The following POLH variants were observed in gnomAD, a reference collection of about 807,000 sequenced individuals.
POLH encodes DNA polymerase eta, also known as DNA polymerase eta transcript.
A neutral mutation model predicts 73.6 loss-of-function variants in POLH; 53 were observed. The observed-to-expected ratio is 0.72, with a 90% CI of 0.58 to 0.91. The LOEUF (loss-of-function observed/expected upper bound fraction) is 0.91, where lower values mean the gene tolerates loss of function less well. POLH is among the 40% of genes least tolerant of loss of function. The pLI is 0.00. For missense variants in POLH, 768 were observed against 865.4 expected (o/e 0.89, Z 1.41); for synonymous variants, 292 against 308.5 (o/e 0.95, Z 0.56).
rs60046548 is a variant in POLH, at chr6:43,619,364, C to CAAAAAAAA, written c.*4830_*4837dup. 5.4e-5 allele frequency among the ~76,000 whole-genome samples: 2 copies of CAAAAAAAA among 37,084 alleles called. No homozygotes were observed. The highest frequency in any genetic ancestry group is 7.5e-5 in the Non-Finnish European group (1 of 13,404). The allele number at this position is 37,084 out of a possible 152,430, so 24.3% of individuals were successfully genotyped here. On this transcript the variant is annotated 3_prime_UTR_variant, in exon 11 of 11. Transcript: ENST00000372236. ...TGGGTGACAGTCTGAGACCCTGTCT[C>CAAAAAAAA]AAAAAAAAAAAAAAAAAAAAAAAAA... is the stretch of plus-strand genomic sequence containing the variant.
At position 43,618,966 on chromosome 6, in the gene POLH, G is replaced by GC. The variant is rs1186964442; in HGVS notation, c.*4409_*4410insC. Among the ~76,000 whole-genome samples, 1 of 150,790 alleles carries GC rather than the reference G, an allele frequency of 6.6e-6. No homozygotes were observed. The highest frequency in any genetic ancestry group is 1.5e-5 in the Non-Finnish European group (1 of 67,782). Reference sequence around the variant, plus strand: ...TTTTTATTTTATTTATAAATTGGGGGGGGGGTTCTATATTTAGTTTGAAGA... The same window carrying GC: ...TTTTTATTTTATTTATAAATTGGGGGCGGGGGTTCTATATTTAGTTTGAAGA... On this transcript the variant is annotated 3_prime_UTR_variant, in exon 11 of 11. Transcript: ENST00000372236.
chr6:43,599,505 GC>G (rs1345963566), intron 5 of POLH, among the ~76,000 whole-genome samples: 2 of 152,124 alleles, frequency 1.3e-5, no homozygotes, highest in Non-Finnish European at 2.9e-5. Flanking sequence ...TGTAGCAAGA[GC>G]CCAGGACTTT....
At chr6:43,588,403 C>CCTTTCTTT (rs533212421) in intron 4 of POLH, 2 of 150,668 alleles carry the variant, frequency 1.3e-5, no homozygotes, top group African/African-American at 4.9e-5. Context: ...TCTTTCTTTC[C>CCTTTCTTT]CTTTCTTTCT....
intron 1 of POLH, among the ~76,000 whole-genome samples, chr6:43,580,884 G>A (rs1382273523): frequency 2.6e-4 from 38 of 146,884 alleles, no homozygotes; most frequent in Middle Eastern, 3.8e-3. Flanking sequence ...GGCTGGCCGG[G>A]CGGAGGGCTG....
In POLH at chr6:43,613,830, C is replaced by T; in HGVS notation, c.1415C>T (p.Ala472Val). ...KTQGSGPAVT[A>V]TKKATTSLES... ...CAGGGAAGTGGCCCAGCGGTGACAG[C>T]CACTAAGAAAGCAACCACGTCTCTG... The change falls in exon 11 of 11, where the codon GCC (alanine) becomes GTC (valine). Residue 472 changes from alanine to valine, a missense_variant. Transcript: ENST00000372236. 1 of 1,614,194 alleles carries T rather than the reference C, an allele frequency of 6.2e-7. No homozygotes were observed. The highest frequency in any genetic ancestry group is 8.5e-7 in the Non-Finnish European group (1 of 1,180,040).
In POLH at chr6:43,587,303, A is replaced by T; in HGVS notation, c.304A>T (p.Ile102Leu). Residue 102 changes from isoleucine (I) to leucine (L), a missense_variant, in exon 4 of 11, where the codon ATA becomes TTA. Coordinates refer to ENST00000372236, the MANE Select transcript of POLH (RefSeq NM_006502.3). ...YREASVEVME[I>L]MSRFAVIERA... ...GGAAGCCAGTGTTGAAGTGATGGAG[A>T]TAATGTCTCGTTTTGCTGTGATTGA... The T allele has an allele frequency of 6.2e-7, 1 of 1,614,122 alleles. No individual in the cohort carries two copies. The highest frequency in any genetic ancestry group is 8.5e-7 in the Non-Finnish European group (1 of 1,179,962).
intron 5 of POLH, among the ~76,000 whole-genome samples, chr6:43,600,188 G>A (rs1766577659): frequency 6.6e-6 from 1 of 151,822 alleles, no homozygotes; most frequent in African/African-American, 2.4e-5. Context: ...GAGTTCTCTT[G>A]GGAGGCTGAG....
chr6:43,587,617 AC>A, intron 4 of POLH, 128 bp downstream of exon 4: 1 of 740,168 alleles, frequency 1.4e-6, no homozygotes, highest in Non-Finnish European at 2.4e-6. Flanking sequence ...ACAAGGACTC[AC>A]ATGGAAGGAT....
chr6:43,607,123 T>C (rs1325275878), intron 9 of POLH, among the ~76,000 whole-genome samples: 1 of 152,228 alleles, frequency 6.6e-6, no homozygotes, highest in Non-Finnish European at 1.5e-5. Context: ...TGAGACGGAG[T>C]CTCGCTCTGT....
At chr6:43,587,895 C>T (rs570051224) in intron 4 of POLH, among the ~76,000 whole-genome samples, 9 of 152,212 alleles carry the variant, frequency 5.9e-5, no homozygotes, top group African/African-American at 9.6e-5. Context: ...GGCATGGTGG[C>T]GCGTGCCTGT....
chr6:43,596,095 A>G (rs1766017626), intron 4 of POLH, among the ~76,000 whole-genome samples: 1 of 152,216 alleles, frequency 6.6e-6, no homozygotes, highest in Non-Finnish European at 1.5e-5. Flanking sequence ...AAAGCTAGCT[A>G]GAATAGTTGA....
At position 43,616,335 on chromosome 6, in the gene POLH, T is replaced by C. The variant is rs187426826; in HGVS notation, c.*1778T>C. Among the ~76,000 whole-genome samples, 50 of 150,010 alleles carry C rather than the reference T, an allele frequency of 3.3e-4. No homozygotes were observed. The East Asian group carries it at 9.7e-3, about 29-fold the overall frequency. On this transcript the variant is annotated 3_prime_UTR_variant, in exon 11 of 11. Transcript: ENST00000372236. ...TAGGCTGGGTGCGGTTCCTCATGCC[T>C]ATAATCCCAGCATTTAGGGAGGCTG...
intron 6 of POLH, among the ~76,000 whole-genome samples, chr6:43,601,457 G>C (rs1055501188): frequency 1.3e-5 from 2 of 151,960 alleles, no homozygotes; most frequent in East Asian, 3.9e-4. Context: ...GTAGAGACAG[G>C]GTTTCACCAT....
In POLH at chr6:43,614,791, AT is replaced by A; in HGVS notation, c.*237del. 2.0e-6 allele frequency: 1 copy of A among 506,436 alleles called. No homozygotes were observed. The allele number at this position is 506,436 out of a possible 1,614,324, so 31.4% of individuals were successfully genotyped here. A position where few individuals can be genotyped will look rare whatever the true frequency, so the allele number is the denominator to read the frequency against. ...CCTACCAGAGTTTTTAATCTTTAGC[AT>A]TTAGGGAGGCAGTGTCATAAAGTAA... is the stretch of plus-strand genomic sequence containing the variant. On this transcript the variant is annotated 3_prime_UTR_variant, in exon 11 of 11. Transcript: ENST00000372236.
In POLH at chr6:43,616,625, C is replaced by T. The variant is rs1341910578; in HGVS notation, c.*2068C>T. Among the ~76,000 whole-genome samples the T allele has an allele frequency of 1.3e-5, 2 of 151,994 alleles. No individual in the cohort carries two copies. The highest frequency in any genetic ancestry group is 2.4e-5 in the African/African-American group (1 of 41,458). On this transcript the variant is annotated 3_prime_UTR_variant, in exon 11 of 11. Coordinates refer to ENST00000372236, the MANE Select transcript of POLH (RefSeq NM_006502.3). ...ACAAAAGAAAAACTTCTCTCTAGCT[C>T]TGTGACGGGCAGTTCAGATAATACC...
chr6:43,613,934 G>A lies in POLH; in HGVS notation c.1519G>A (p.Ala507Thr), dbSNP rs760597531. The A allele has an allele frequency of 6.2e-7, 1 of 1,613,890 alleles. No homozygotes were observed. The highest frequency in any genetic ancestry group is 8.5e-7 in the Non-Finnish European group (1 of 1,180,052). Residue 507 changes from alanine (A) to threonine (T), a missense_variant, in exon 11 of 11, where the codon GCT (alanine) becomes ACT (threonine). By Grantham distance (58) the Ala-to-Thr change is moderately conservative. Transcript: ENST00000372236. ...SLSSLTAPTQ[A>T]PMSNSPSKPS... ...TTCATCTCTTACTGCTCCCACTCAGGCTCCCATGAGCAATTCACCATCCAA... is the reference window on the plus strand; with the variant it reads ...TTCATCTCTTACTGCTCCCACTCAGACTCCCATGAGCAATTCACCATCCAA...
intron 1 of POLH, among the ~76,000 whole-genome samples, chr6:43,581,291 C>T (rs1322210741): frequency 1.3e-4 from 19 of 146,486 alleles, no homozygotes; most frequent in African/African-American, 4.7e-4. Context: ...ACATCTCAGA[C>T]GATGGGCGGG....
intron 7 of POLH, among the ~76,000 whole-genome samples, chr6:43,604,364 G>A (rs1767044328): frequency 6.6e-6 from 1 of 152,128 alleles, no homozygotes; most frequent in South Asian, 2.1e-4. Context: ...GGCTTGCTTG[G>A]CATTTTTCCA....
chr6:43,618,971 G>T lies in POLH; in HGVS notation c.*4414G>T, dbSNP rs1470013829. On this transcript the variant is annotated 3_prime_UTR_variant, in exon 11 of 11. Coordinates refer to ENST00000372236, the MANE Select transcript of POLH (RefSeq NM_006502.3). ...ATTTTATTTATAAATTGGGGGGGGG[G>T]TTCTATATTTAGTTTGAAGAGGTGG... 6.8e-6 allele frequency among the ~76,000 whole-genome samples: 1 copy of T among 146,710 alleles called. No homozygotes were observed. The highest frequency in any genetic ancestry group is 1.5e-5 in the Non-Finnish European group (1 of 66,760).
Sources: gnomAD v4.1 joint callset for allele counts (sites outside exome capture counted in the v4.1 genomes callset) on GRCh38, gnomAD v4.1.1 for gene constraint, MANE v1.5 for transcripts, NCBI Gene and HGNC (gene_info 2026-07-23, HGNC 2026-07-21) for gene names.